Variants in DNAH3 observed in about 807,000 individuals in gnomAD.
DNAH3 encodes dynein axonemal heavy chain 3.
In DNAH3, 332 loss-of-function variants were observed where a neutral mutation model predicts 432.5. The ratio of observed to expected loss-of-function variants is 0.77; its 90% confidence interval spans 0.70 to 0.84. The LOEUF is 0.84. DNAH3 is among the 40% of genes least tolerant of loss of function. DNAH3 has a pLI of 0.00. For missense variants in DNAH3, 4,861 were observed against 5,114.0 expected (o/e 0.95, Z 1.51); for synonymous variants, 1,956 against 1,900.2 (o/e 1.03, Z -0.76).
chr16:20,937,328 G>A (rs1011368685), intron 59 of DNAH3, among the ~76,000 whole-genome samples: 3 of 151,562 alleles, frequency 2.0e-5, no homozygotes, highest in South Asian at 4.2e-4. Flanking sequence ...CCTTTGTAAC[G>A]ACTGCAAAAT....
intron 1 of DNAH3, among the ~76,000 whole-genome samples, chr16:21,150,028 C>G (rs1193168857): frequency 1.3e-5 from 2 of 151,920 alleles, no homozygotes; most frequent in African/African-American, 2.4e-5. Context: ...GAGTTCAAGA[C>G]CAGCCTGACC....
chr16:21,042,114 A>G, exon 32 of DNAH3: 1 of 1,613,942 alleles, frequency 6.2e-7, no homozygotes, highest in Non-Finnish European at 8.5e-7. Flanking sequence ...GAGAGAGCTC[A>G]GTCCCTTCAA....
At chr16:21,033,065 G>A (rs2088970641) in intron 36 of DNAH3, among the ~76,000 whole-genome samples, 1 of 152,090 alleles carries the variant, frequency 6.6e-6, no homozygotes, top group African/African-American at 2.4e-5. Context: ...CTCCTGAGCT[G>A]AAGTGATCCG....
chr16:20,984,447 T>C (rs886867315), intron 48 of DNAH3, among the ~76,000 whole-genome samples: 3 of 152,018 alleles, frequency 2.0e-5, no homozygotes, highest in Admixed American at 6.6e-5. Context: ...GAAAGGGAAG[T>C]ACTAAACACA....
intron 41 of DNAH3, among the ~76,000 whole-genome samples, chr16:21,009,659 A>G (rs754226438): frequency 6.6e-6 from 1 of 152,144 alleles, no homozygotes; most frequent in Non-Finnish European, 1.5e-5. Context: ...TGGATGAATC[A>G]CTTGAGTCTG....
intron 7 of DNAH3, among the ~76,000 whole-genome samples, chr16:21,131,483 GA>G (rs1324143975): frequency 0.069 from 549 of 7,966 alleles, 3 homozygotes; most frequent in African/African-American, 0.078. Flanking sequence ...AAGGAAGAAA[GA>G]AAAGAAAGAG....
At position 21,140,517 on chromosome 16, in the gene DNAH3, G is replaced by A. The variant is rs199500038; in HGVS notation, c.696+19C>T. 1.3e-5 allele frequency: 21 copies of A among 1,607,262 alleles called. No homozygotes were observed. The highest frequency in any genetic ancestry group is 1.7e-5 in the Non-Finnish European group (20 of 1,174,902). On this transcript the variant is annotated intron_variant, in intron 5 of 61. Transcript: ENST00000261383. ...GTAACCCTCAGCAAACCGAGGGAAA[G>A]GGGGCAACAGGAACGTACCTCCAGG... is the stretch of plus-strand genomic sequence containing the variant.
intron 25 of DNAH3, among the ~76,000 whole-genome samples, 176 bp downstream of exon 25, chr16:21,062,306 G>C (rs1289110650): frequency 6.6e-6 from 1 of 152,082 alleles, no homozygotes; most frequent in Non-Finnish European, 1.5e-5. Context: ...TTAGAGATGG[G>C]TACACTGAGA....
intron 12 of DNAH3, 69 bp downstream of exon 12, chr16:21,117,134 G>T: frequency 9.7e-7 from 1 of 1,033,462 alleles, no homozygotes; most frequent in Non-Finnish European, 1.5e-6. Flanking sequence ...TACCTTATTG[G>T]ATGAGAGTTA....
chr16:21,000,636 G>T, intron 42 of DNAH3, 118 bp from the exon 43 acceptor site: 1 of 921,710 alleles, frequency 1.1e-6, no homozygotes, highest in Non-Finnish European at 1.6e-6. Flanking sequence ...TATGACCTTA[G>T]GCGAGTCTTT....
At chr16:21,039,048 T>C (rs568814804) in intron 33 of DNAH3, among the ~76,000 whole-genome samples, 33 of 152,030 alleles carry the variant, frequency 2.2e-4, no homozygotes, top group Non-Finnish European at 3.7e-4. Context: ...TATGTGTGTA[T>C]ACACACGTAC....
intron 44 of DNAH3, among the ~76,000 whole-genome samples, chr16:20,989,187 G>A (rs915135762): frequency 2.6e-5 from 4 of 152,182 alleles, no homozygotes; most frequent in African/African-American, 9.7e-5. Flanking sequence ...TGGTAGAGCC[G>A]AGTGGTCTGT....
chr16:20,973,531 G>A (rs113247391), intron 51 of DNAH3, among the ~76,000 whole-genome samples: 30,911 of 152,164 alleles, frequency 0.2, 3,513 homozygotes, highest in South Asian at 0.29. Flanking sequence ...GGGATTACAG[G>A]CATGAGCCAC....
intron 53 of DNAH3, among the ~76,000 whole-genome samples, chr16:20,962,781 C>T (rs1326593519): frequency 6.6e-6 from 1 of 152,096 alleles, no homozygotes; most frequent in Non-Finnish European, 1.5e-5. Context: ...CCTCAGCCTC[C>T]CAAGTAGCTG....
chr16:21,019,989 A>G, intron 40 of DNAH3, 120 bp from the exon 41 acceptor site: 5 of 1,077,810 alleles, frequency 4.6e-6, no homozygotes, highest in African/African-American at 1.6e-5. Flanking sequence ...ATATTGGCAG[A>G]GTGCCTATCA....
At chr16:21,136,816 G>A (rs2092649341) in intron 5 of DNAH3, among the ~76,000 whole-genome samples, 1 of 152,040 alleles carries the variant, frequency 6.6e-6, no homozygotes, top group South Asian at 2.1e-4. Flanking sequence ...AGGGATGGAG[G>A]TGGCATATCT....
chr16:21,051,187 A>G (rs2089940094), intron 29 of DNAH3, among the ~76,000 whole-genome samples: 1 of 152,196 alleles, frequency 6.6e-6, no homozygotes, highest in African/African-American at 2.4e-5. Flanking sequence ...AAACATCACA[A>G]AACCGACAAG....
Position 20,955,892 on chromosome 16 carries a change from C to CT in DNAH3, c.10827-836dup, listed in dbSNP as rs541593663. Among the ~76,000 whole-genome samples, 192 of 151,492 alleles carry CT rather than the reference C, an allele frequency of 1.3e-3. 1 individual carries two copies. Among genetic ancestry groups the CT allele is most frequent in the Admixed American group, 3.0e-3 (46 of 15,160 alleles). ...ATCTTGGCACATTGCATCTGAGGCT[C>CT]TTTTTTTTCATTTTTATTATTTTTA... On this transcript the variant is annotated intron_variant, in intron 54 of 61. Transcript: ENST00000261383.
intron 54 of DNAH3, 126 bp from the exon 55 acceptor site, chr16:20,955,183 C>A: frequency 3.6e-6 from 3 of 827,826 alleles, no homozygotes; most frequent in South Asian, 3.1e-5. Context: ...AACCCCATCT[C>A]TATGAAAAAC....
Sources: allele counts gnomAD v4.1 joint callset (sites outside exome capture counted in the v4.1 genomes callset), GRCh38; gene constraint gnomAD v4.1.1; transcripts MANE v1.5; gene names NCBI Gene and HGNC (gene_info 2026-07-23, HGNC 2026-07-21).